The following WDR37 variants were observed in gnomAD, a reference collection of about 807,000 sequenced individuals.
The protein encoded by WDR37 is WD repeat-containing protein 37.
In WDR37, 19 loss-of-function variants were observed where a neutral mutation model predicts 62.9. The observed-to-expected ratio is 0.30, with a 90% CI of 0.21 to 0.44. The LOEUF (loss-of-function observed/expected upper bound fraction) is 0.44. WDR37 is among the 20% of genes least tolerant of loss of function. The pLI is 1.00. For synonymous variants in WDR37, 250 were observed against 260.9 expected, an observed-to-expected ratio of 0.96 and a Z score of 0.40; for missense variants, 474 against 657.6, an observed-to-expected ratio of 0.72 and a Z score of 3.05.
chr10:1,122,320 T>C (rs1228831157), intron 11 of WDR37, among the ~76,000 whole-genome samples: 1 of 152,216 alleles, frequency 6.6e-6, no homozygotes, highest in African/African-American at 2.4e-5. Context: ...TCTCAGCTGC[T>C]TCAGTGCGGG....
chr10:1,068,870 T>C (rs1261086901), intron 1 of WDR37, among the ~76,000 whole-genome samples: 1 of 152,228 alleles, frequency 6.6e-6, no homozygotes, highest in East Asian at 1.9e-4. Flanking sequence ...AGGGAATACA[T>C]TACCACTATG....
chr10:1,090,284 G>A (rs765841473), intron 7 of WDR37, among the ~76,000 whole-genome samples: 10 of 152,266 alleles, frequency 6.6e-5, no homozygotes, highest in East Asian at 3.9e-4. Flanking sequence ...TCGGCCTCCC[G>A]AGTAGCTGGG....
rs1287612900 is a variant in WDR37, at chr10:1,072,106, C to T, written c.-40-10C>T. On this transcript the variant is annotated splice_polypyrimidine_tract_variant and intron_variant, in intron 1 of 13. Transcript: ENST00000263150. ...GTATCAGAAACACTGTTTTTTCTTG[C>T]TGTTTTTAGCTTATTGCAGGAGTGA... 8.9e-6 allele frequency: 14 copies of T among 1,578,880 alleles called. No individual in the cohort carries two copies. The highest frequency in any genetic ancestry group is 7.5e-5 in the Admixed American group (4 of 53,202).
At chr10:1,081,692 T>G (rs1023963150) in intron 5 of WDR37, among the ~76,000 whole-genome samples, 8 of 152,224 alleles carry the variant, frequency 5.3e-5, no homozygotes, top group Admixed American at 1.3e-4. Flanking sequence ...CTTACAAGTT[T>G]TGAACTTTTT....
chr10:1,116,289 CTGCCA>C (rs1835395413), intron 11 of WDR37, among the ~76,000 whole-genome samples: 1 of 151,734 alleles, frequency 6.6e-6, no homozygotes, highest in African/African-American at 2.4e-5. Context: ...CCCCGGGTCT[CTGCCA>C]TGTCTCTCAG....
Position 1,129,758 on chromosome 10 carries a change from G to A in WDR37, c.*414G>A, listed in dbSNP as rs141316710. The A allele has an allele frequency of 2.4e-3, 372 of 157,556 alleles. 1 individual carries two copies. The highest frequency in any genetic ancestry group is 6.7e-3 in the South Asian group (36 of 5,362). The allele number at this position is 157,556 out of a possible 1,614,324, so 9.8% of individuals were successfully genotyped here. On this transcript the variant is annotated 3_prime_UTR_variant, in exon 14 of 14. Coordinates refer to ENST00000263150, the MANE Select transcript of WDR37 (RefSeq NM_014023.4). ...ATCTGCCTTTGCTGGGAAGACTGTG[G>A]GGCTGCCTGTGTTGGCTGGCGACCA... is the stretch of plus-strand genomic sequence containing the variant.
At chr10:1,071,097 T>C (rs561372459) in intron 1 of WDR37, among the ~76,000 whole-genome samples, 46 of 152,376 alleles carry the variant, frequency 3.0e-4, no homozygotes, top group African/African-American at 1.1e-3. Flanking sequence ...ATGTGTATTT[T>C]AAAGGTTAGC....
At position 1,103,874 on chromosome 10, in the gene WDR37, G is replaced by C. The variant is rs530413939; in HGVS notation, c.961+38G>C. 1 of 1,599,834 alleles carries C rather than the reference G, an allele frequency of 6.3e-7. No homozygotes were observed. Among genetic ancestry groups the C allele is most frequent in the Non-Finnish European group, 8.5e-7 (1 of 1,170,980 alleles). On this transcript the variant is annotated intron_variant, in intron 10 of 13. Coordinates refer to ENST00000263150, the MANE Select transcript of WDR37 (RefSeq NM_014023.4). This position sits in a 1 kb window ranked among gnomAD's most constrained non-coding sequence, Gnocchi z 6.3. Reference sequence around the variant, plus strand: ...TCTGAGTCCGCCGCCTCCTGGCTGTGCATGTTAGTTTATGTCCATGGGTTA... The same window carrying C: ...TCTGAGTCCGCCGCCTCCTGGCTGTCCATGTTAGTTTATGTCCATGGGTTA...
chr10:1,082,831 C>T (rs1043265435), intron 5 of WDR37, among the ~76,000 whole-genome samples: 1 of 150,828 alleles, frequency 6.6e-6, no homozygotes, highest in African/African-American at 2.4e-5. Context: ...GGGAAGGAGC[C>T]ACTCTGTTCT....
intron 2 of WDR37, chr10:1,074,270 C>T (rs1811355292): frequency 8.7e-7 from 1 of 1,154,372 alleles, no homozygotes; most frequent in African/African-American, 1.6e-5. Flanking sequence ...CTAGAGTTGT[C>T]TCCTGCCTGG....
intron 13 of WDR37, 181 bp downstream of exon 13, chr10:1,125,205 C>G (rs1835700694): frequency 1.4e-6 from 1 of 705,340 alleles, no homozygotes; most frequent in Non-Finnish European, 1.7e-6. Context: ...TCAAGTTATT[C>G]CACACCTACT....
chr10:1,061,812 C>T lies in WDR37; in HGVS notation c.-41+4844C>T, dbSNP rs533368449. On this transcript the variant is annotated intron_variant, in intron 1 of 13. Coordinates refer to ENST00000263150, the MANE Select transcript of WDR37 (RefSeq NM_014023.4). ...CGAGGTTAACACCACTGCACTCCAG[C>T]CTGGGCAACAGTGGAGACGTCATCT... 5.3e-5 allele frequency among the ~76,000 whole-genome samples: 8 copies of T among 150,068 alleles called. No homozygotes were observed. The South Asian group carries it at 1.7e-3, about 32-fold the overall frequency.
chr10:1,059,244 C>T (rs201920555), intron 1 of WDR37, among the ~76,000 whole-genome samples: 3 of 152,178 alleles, frequency 2.0e-5, no homozygotes, highest in South Asian at 2.1e-4. Flanking sequence ...GGCATGGTGG[C>T]GGGCACTTGT....
chr10:1,113,539 T>C (rs1177952816), intron 11 of WDR37, among the ~76,000 whole-genome samples: 1 of 152,242 alleles, frequency 6.6e-6, no homozygotes, highest in African/African-American at 2.4e-5. Flanking sequence ...ATTGAGCACC[T>C]TCTGGAAAGG....
At chr10:1,083,827 C>G (rs969320748) in intron 5 of WDR37, among the ~76,000 whole-genome samples, 11 of 152,360 alleles carry the variant, frequency 7.2e-5, no homozygotes, top group Admixed American at 7.2e-4. Flanking sequence ...GGTGCCTGTT[C>G]TGAGCGAGCG....
At position 1,072,166 on chromosome 10, in the gene WDR37, A is replaced by G. The variant is rs1432729335; in HGVS notation, c.11A>G (p.Glu4Gly). 1.2e-6 allele frequency: 2 copies of G among 1,614,096 alleles called. No homozygotes were observed. The highest frequency in any genetic ancestry group is 1.3e-5 in the African/African-American group (1 of 74,950). MPT[E>G]SASCSTARQT... ...TACCTCCTAGAAGTAATGCCCACAG[A>G]AAGCGCAAGTTGTTCGACTGCTCGC... Residue 4 changes from glutamate (E) to glycine (G), a missense_variant, in exon 2 of 14, where the codon GAA (glutamate) becomes GGA (glycine). By Grantham distance (98) the Glu-to-Gly change is moderately conservative. Coordinates refer to ENST00000263150, the MANE Select transcript of WDR37 (RefSeq NM_014023.4).
At chr10:1,125,619 T>A (rs1160575826) in intron 13 of WDR37, among the ~76,000 whole-genome samples, 1 of 152,146 alleles carries the variant, frequency 6.6e-6, no homozygotes, top group Non-Finnish European at 1.5e-5. Context: ...GTGTTAGTGG[T>A]GGTGGCTCTG....
chr10:1,088,767 A>C lies in WDR37; in HGVS notation c.604+2410A>C, dbSNP rs1006587423. Among the ~76,000 whole-genome samples, 15 of 152,318 alleles carry C rather than the reference A, an allele frequency of 9.8e-5. 1 individual carries two copies. The East Asian group carries it at 2.7e-3, about 27-fold the overall frequency. On this transcript the variant is annotated intron_variant, in intron 7 of 13. Coordinates refer to ENST00000263150, the MANE Select transcript of WDR37 (RefSeq NM_014023.4). ...TGTGTCACAGAGACGTGAAGTGAAC[A>C]CATGCTGTTGGGAAAATCGTGGCAA...
At chr10:1,082,087 T>C (rs1834045232) in intron 5 of WDR37, among the ~76,000 whole-genome samples, 1 of 152,208 alleles carries the variant, frequency 6.6e-6, no homozygotes, top group Admixed American at 6.5e-5. Context: ...CCCATACCCA[T>C]TGTAAAAAAT....
Sources: allele counts gnomAD v4.1 joint callset (sites outside exome capture counted in the v4.1 genomes callset), GRCh38; gene constraint gnomAD v4.1.1; non-coding constraint Gnocchi (gnomAD v3.1); transcripts MANE v1.5; gene names NCBI Gene and HGNC (gene_info 2026-07-23, HGNC 2026-07-21).